Variants in SLC4A8 observed in about 807,000 individuals in gnomAD.
SLC4A8 encodes the protein solute carrier family 4 member 8.
A neutral mutation model predicts 125.0 loss-of-function variants in SLC4A8; 40 were observed. That is an observed-to-expected ratio of 0.32 (90% CI 0.25 to 0.42). SLC4A8 has a LOEUF of 0.42. Among genes scored for constraint, SLC4A8 ranks in the 10% least tolerant of loss-of-function variants. The probability of loss-of-function intolerance (pLI) is 1.00; values close to 1 mark genes in which losing one functional copy is unlikely to be tolerated. For synonymous variants in SLC4A8, 456 were observed against 476.0 expected (o/e 0.96, Z 0.55); for missense variants, 863 against 1,355.1 (o/e 0.64, Z 5.70).
chr12:51,433,881 T>TTTTTTTTTTTTTTTTTTTTTG, intron 1 of SLC4A8, among the ~76,000 whole-genome samples: 1 of 136,446 alleles, frequency 7.3e-6, no homozygotes, highest in Non-Finnish European at 1.6e-5. Context: ...TTTTTTTTGG[T>TTTTTTTTTTTTTTTTTTTTTG]TGGTTTTTTT....
intron 16 of SLC4A8, chr12:51,480,187 C>G (rs748693028): frequency 1.0e-6 from 1 of 963,214 alleles, no homozygotes; most frequent in Non-Finnish European, 1.4e-6. Flanking sequence ...GATCTGCCTG[C>G]CTCGGCCTCC....
At chr12:51,466,671 A>G (rs149879393) in intron 11 of SLC4A8, among the ~76,000 whole-genome samples, 1 of 152,314 alleles carries the variant, frequency 6.6e-6, no homozygotes, top group Non-Finnish European at 1.5e-5. Context: ...TAGATGTGCA[A>G]TCATAGTCTG....
At position 51,493,585 on chromosome 12, in the gene SLC4A8, T is replaced by C. The variant is rs1951379362; in HGVS notation, c.2701-119T>C. ...CCACAGGCAGCAGAAACTAATGCAA[T>C]GTGTCTGCAGCTATTTTGTGACTTT... On this transcript the variant is annotated intron_variant, in intron 19 of 24. Transcript: ENST00000453097. The C allele has an allele frequency of 1.0e-5, 7 of 690,506 alleles. 1 individual carries two copies. The highest frequency in any genetic ancestry group is 1.8e-5 in the Non-Finnish European group (7 of 378,446). The allele number at this position is 690,506 out of a possible 1,614,324, so 42.8% of individuals were successfully genotyped here. A position where few individuals can be genotyped will look rare whatever the true frequency, so the allele number is the denominator to read the frequency against.
Position 51,484,189 on chromosome 12 carries a change from G to A in SLC4A8, c.2173-1598G>A, listed in dbSNP as rs188797856. Among the ~76,000 whole-genome samples, 41 of 152,290 alleles carry A rather than the reference G, an allele frequency of 2.7e-4. No individual in the cohort carries two copies. In the East Asian group the frequency reaches 7.7e-3, roughly 29 times the overall value. ...AGAACACATTCTTAGACTTCAGTGAGCCTACATGGCAGTCACGGGAGGTAC... is the reference window on the plus strand; with the variant it reads ...AGAACACATTCTTAGACTTCAGTGAACCTACATGGCAGTCACGGGAGGTAC... On this transcript the variant is annotated intron_variant, in intron 16 of 24. Transcript: ENST00000453097.
chr12:51,416,284 C>T (rs889194598), intron 1 of SLC4A8, among the ~76,000 whole-genome samples: 3 of 150,408 alleles, frequency 2.0e-5, no homozygotes, highest in Non-Finnish European at 2.9e-5. Context: ...TCTCTCCCAC[C>T]TTTTCTGGCC....
chr12:51,503,574 T>C (rs1938031935), intron 22 of SLC4A8, among the ~76,000 whole-genome samples: 1 of 152,216 alleles, frequency 6.6e-6, no homozygotes, highest in Non-Finnish European at 1.5e-5. Context: ...GTTAATAATT[T>C]GTTTATTTGA....
At chr12:51,402,706 G>A (rs771616610) in intron 1 of SLC4A8, among the ~76,000 whole-genome samples, 1 of 152,156 alleles carries the variant, frequency 6.6e-6, no homozygotes, top group Non-Finnish European at 1.5e-5. Context: ...TGGGGTACAA[G>A]AGTGAAACTC....
At chr12:51,448,523 A>C (rs1949858609) in intron 2 of SLC4A8, among the ~76,000 whole-genome samples, 1 of 152,166 alleles carries the variant, frequency 6.6e-6, no homozygotes, top group Non-Finnish European at 1.5e-5. Flanking sequence ...GTTTAGCACT[A>C]AAAAGGAAGA....
intron 17 of SLC4A8, 137 bp downstream of exon 17, chr12:51,486,037 G>A (rs1951154475): frequency 3.8e-6 from 2 of 531,922 alleles, no homozygotes; most frequent in Non-Finnish European, 3.4e-6. Context: ...CTCATACCTT[G>A]TCATGTAGAA....
At chr12:51,486,507 A>G (rs1211948970) in intron 17 of SLC4A8, among the ~76,000 whole-genome samples, 1 of 152,244 alleles carries the variant, frequency 6.6e-6, no homozygotes, top group African/African-American at 2.4e-5. Context: ...AAACTATACA[A>G]AAAGTCAAAC....
upstream of SLC4A8, among the ~76,000 whole-genome samples, chr12:51,424,066 C>CAAAAAAAAAAACAA (rs60139804): frequency 9.4e-6 from 1 of 106,234 alleles, no homozygotes; most frequent in Non-Finnish European, 1.8e-5. Flanking sequence ...AAAAAAACAA[C>CAAAAAAAAAAACAA]AAAAAAAAAA....
At chr12:51,457,045 G>C (rs915785886) in intron 5 of SLC4A8, among the ~76,000 whole-genome samples, 2 of 152,234 alleles carry the variant, frequency 1.3e-5, no homozygotes, top group Admixed American at 6.5e-5. Context: ...CAAACTGCTA[G>C]ATGTAAGACC....
chr12:51,430,294 CTG>C (rs1182402122), intron 1 of SLC4A8, among the ~76,000 whole-genome samples: 1 of 152,110 alleles, frequency 6.6e-6, no homozygotes, highest in Non-Finnish European at 1.5e-5. Context: ...TGCCCAGTGA[CTG>C]TGGCACATGT....
chr12:51,491,101 G>A (rs564980554), intron 19 of SLC4A8, among the ~76,000 whole-genome samples: 5 of 152,260 alleles, frequency 3.3e-5, no homozygotes, highest in Admixed American at 3.3e-4. Context: ...CTGGTGGAGT[G>A]TGATGGCATT....
At chr12:51,424,055 AAAAAAAAC>A (rs1565762141), upstream of SLC4A8, among the ~76,000 whole-genome samples, 155 of 41,042 alleles carry the variant, frequency 3.8e-3, 1 homozygote, top group African/African-American at 0.012. Flanking sequence ...AAAAAAAAAC[AAAAAAAAC>A]AACAAAAAAA....
At chr12:51,420,118 T>G (rs1948754708), upstream of SLC4A8, 1 of 152,194 alleles carries the variant, frequency 6.6e-6, no homozygotes, top group Non-Finnish European at 1.5e-5. Flanking sequence ...CCACAGGAAA[T>G]GCTCCCAGAC....
At chr12:51,394,037 C>G (rs1225082961) in intron 1 of SLC4A8, among the ~76,000 whole-genome samples, 1 of 152,194 alleles carries the variant, frequency 6.6e-6, no homozygotes, top group Non-Finnish European at 1.5e-5. Flanking sequence ...CGTCTTTGCT[C>G]TGTCCTTCCT....
chr12:51,437,220 T>A (rs1456327031), intron 1 of SLC4A8, among the ~76,000 whole-genome samples: 1 of 152,258 alleles, frequency 6.6e-6, no homozygotes, highest in African/African-American at 2.4e-5. Flanking sequence ...TTGCCTTATG[T>A]TCAGAGTTGT....
intron 19 of SLC4A8, among the ~76,000 whole-genome samples, chr12:51,491,493 C>G (rs914874050): frequency 1.3e-5 from 2 of 152,064 alleles, no homozygotes; most frequent in African/African-American, 4.8e-5. Flanking sequence ...GTAGACACGT[C>G]TTGGAAAATG....
Sources: gnomAD v4.1 joint callset for allele counts (sites outside exome capture counted in the v4.1 genomes callset) on GRCh38, gnomAD v4.1.1 for gene constraint, MANE v1.5 for transcripts, NCBI Gene and HGNC (gene_info 2026-07-23, HGNC 2026-07-21) for gene names.